The following PPP6R1 variants were observed in gnomAD, a reference collection of about 807,000 sequenced individuals.
PPP6R1 encodes serine/threonine-protein phosphatase 6 regulatory subunit 1.
PPP6R1 carries 39 observed loss-of-function variants against 104.6 expected under a neutral mutation model. The observed-to-expected ratio is 0.37, with a 90% CI of 0.29 to 0.49. The LOEUF (loss-of-function observed/expected upper bound fraction) is 0.49. Among genes scored for constraint, PPP6R1 ranks in the 20% least tolerant of loss-of-function variants. The pLI is 0.98. For synonymous variants in PPP6R1, 549 were observed against 479.0 expected, an observed-to-expected ratio of 1.15 and a Z score of -1.91; for missense variants, 1,181 against 1,155.8, an observed-to-expected ratio of 1.02 and a Z score of -0.32.
At position 55,230,416 on chromosome 19, in the gene PPP6R1, G is replaced by T; in HGVS notation, c.*112C>A. On this transcript the variant is annotated 3_prime_UTR_variant, in exon 24 of 24. Coordinates refer to ENST00000412770, the MANE Select transcript of PPP6R1 (RefSeq NM_014931.4). ...CTGGGGGTCCAGAGGAGAGAATGTG[G>T]GGGTGTCAGGGTGATGAGGGCAATG... 1 of 1,481,008 alleles carries T rather than the reference G, an allele frequency of 6.8e-7. No homozygotes were observed. Among genetic ancestry groups the T allele is most frequent in the Non-Finnish European group, 9.3e-7 (1 of 1,079,400 alleles). The allele number at this position is 1,481,008 out of a possible 1,614,324, so 91.7% of individuals were successfully genotyped here.
downstream of PPP6R1, chr19:55,229,026 C>G: frequency 2.5e-6 from 1 of 398,480 alleles, no homozygotes. Flanking sequence ...GTCCCCTTGT[C>G]CTGGGCCCCA....
Position 55,236,687 on chromosome 19 carries a change from G to T in PPP6R1, c.1944C>A (p.Ser648Arg). The T allele has an allele frequency of 6.2e-7, 1 of 1,606,086 alleles. No individual in the cohort carries two copies. Among genetic ancestry groups the T allele is most frequent in the Non-Finnish European group, 8.5e-7 (1 of 1,176,280 alleles). ...CCAGACGGGCCCCCCTGGCCAGCTGGCTGCCCTGCCAGGCGCCATCTTCTC... is the reference window on the plus strand; with the variant it reads ...CCAGACGGGCCCCCCTGGCCAGCTGTCTGCCCTGCCAGGCGCCATCTTCTC... ...SDGEDGAWQG[S>R]QLARGARLGQ... The change falls in exon 17 of 24, where the codon AGC becomes AGA. Residue 648 changes from serine (S) to arginine (R), a missense_variant. Physicochemically the swap from Ser to Arg is moderately radical, Grantham distance 110. This residue lies in a region of PPP6R1 where 1,042 missense variants were observed against 955.6 expected (regional missense o/e 1.09). Coordinates refer to ENST00000412770, the MANE Select transcript of PPP6R1 (RefSeq NM_014931.4).
In PPP6R1 at chr19:55,230,376, C is replaced by T. The variant is rs2087328909; in HGVS notation, c.*152G>A. ...AATGGGGGTGGGTTGGGCCTGTCTC[C>T]CTGGCACCAGCCTCCTGGGGGTCCA... On this transcript the variant is annotated 3_prime_UTR_variant, in exon 24 of 24. Coordinates refer to ENST00000412770, the MANE Select transcript of PPP6R1 (RefSeq NM_014931.4). The T allele has an allele frequency of 7.4e-6, 9 of 1,222,438 alleles. No homozygotes were observed. Among genetic ancestry groups the T allele is most frequent in the Non-Finnish European group, 9.2e-6 (8 of 873,618 alleles). 75.7% of individuals were successfully genotyped at this position (1,222,438 alleles called of 1,614,324 possible). A position where few individuals can be genotyped will look rare whatever the true frequency, so the allele number is the denominator to read the frequency against.
rs1221388754 is a variant in PPP6R1, at chr19:55,252,147, T to TTA, written c.-6-5040_-6-5039dup. 2.0e-5 allele frequency among the ~76,000 whole-genome samples: 3 copies of TTA among 152,308 alleles called. No homozygotes were observed. In the East Asian group the frequency reaches 5.8e-4, roughly 29 times the overall value. ...CGAAGTTCCTGAAAGGAAAGGGTGA[T>TTA]TAAAAAAAAGTTCCAAAATCAATTG... On this transcript the variant is annotated intron_variant, in intron 1 of 23. Transcript: ENST00000412770.
At chr19:55,235,958 C>T (rs900722707) in intron 17 of PPP6R1, among the ~76,000 whole-genome samples, 3 of 151,020 alleles carry the variant, frequency 2.0e-5, no homozygotes, top group African/African-American at 4.9e-5. Context: ...TCCACCTCAG[C>T]CTCTCAAGTA....
At chr19:55,258,048 G>A (rs930095426) in intron 1 of PPP6R1, among the ~76,000 whole-genome samples, 2 of 152,246 alleles carry the variant, frequency 1.3e-5, no homozygotes, top group African/African-American at 4.8e-5. Context: ...GGGGCGAGAG[G>A]GAAGGGTGTA....
Position 55,239,401 on chromosome 19 carries a change from T to G in PPP6R1, c.1751+4A>C. Reference sequence around the variant, plus strand: ...GGCTGTGACCCTGCGCAGGAGACACTCACTTCACACTCTCCTCCTGCTCCC... The same window carrying G: ...GGCTGTGACCCTGCGCAGGAGACACGCACTTCACACTCTCCTCCTGCTCCC... On this transcript the variant is annotated splice_donor_region_variant and intron_variant, in intron 15 of 23. Coordinates refer to ENST00000412770, the MANE Select transcript of PPP6R1 (RefSeq NM_014931.4). The G allele has an allele frequency of 6.2e-7, 1 of 1,611,878 alleles. No homozygotes were observed. The highest frequency in any genetic ancestry group is 1.6e-4 in the Middle Eastern group (1 of 6,062).
In PPP6R1 at chr19:55,256,585, G is replaced by A. The variant is rs548257335; in HGVS notation, c.-7+1850C>T. On this transcript the variant is annotated intron_variant, in intron 1 of 23. Transcript: ENST00000412770. ...CAGCTCTCTGGGAGGCTAGGTAGGA[G>A]GACTGCTTGAACCCACGAGTTTGAA... Among the ~76,000 whole-genome samples the A allele has an allele frequency of 3.3e-5, 5 of 152,342 alleles. No individual in the cohort carries two copies. The South Asian group carries it at 6.2e-4, about 19-fold the overall frequency.
chr19:55,243,370 G>A (rs1250188670), intron 5 of PPP6R1, among the ~76,000 whole-genome samples: 1 of 141,890 alleles, frequency 7.0e-6, no homozygotes, highest in Non-Finnish European at 1.5e-5. Flanking sequence ...CCGAGATCGT[G>A]CCACTGCACT....
At chr19:55,242,550 G>T in intron 5 of PPP6R1, 62 bp from the exon 6 acceptor site, 1 of 1,401,810 alleles carries the variant, frequency 7.1e-7, no homozygotes. Flanking sequence ...GCAGCCTGGT[G>T]CTGGGAGCCC....
intron 5 of PPP6R1, among the ~76,000 whole-genome samples, chr19:55,243,125 C>T (rs950250053): frequency 2.0e-5 from 3 of 151,972 alleles, no homozygotes; most frequent in African/African-American, 7.2e-5. Context: ...TCTGAAAGGC[C>T]GAGGTGGGGC....
chr19:55,243,139 G>T (rs1376182128), intron 5 of PPP6R1, among the ~76,000 whole-genome samples: 1 of 152,172 alleles, frequency 6.6e-6, no homozygotes, highest in Non-Finnish European at 1.5e-5. Context: ...GTGGGGCCGG[G>T]CGCGGTGGCT....
rs1426479018 is a variant in PPP6R1 at position 55,231,675 on chromosome 19, G to A, written c.2307-7C>T. The A allele has an allele frequency of 1.3e-6, 2 of 1,594,484 alleles. No individual in the cohort carries two copies. Among genetic ancestry groups the A allele is most frequent in the African/African-American group, 1.3e-5 (1 of 74,378 alleles). ...GGGTGTGGGGTCCTGAGACCTGGTA[G>A]GCGAGAGAGGCAGCCCAAGGGGGCA... On this transcript the variant is annotated splice_polypyrimidine_tract_variant and splice_region_variant and intron_variant, in intron 19 of 23. Transcript: ENST00000412770.
At position 55,241,101 on chromosome 19, in the gene PPP6R1, G is replaced by C; in HGVS notation, c.1162-22C>G. 6.5e-7 allele frequency: 1 copy of C among 1,547,658 alleles called. No homozygotes were observed. The stretch of plus-strand genomic sequence containing the variant: ...GGTCCTATGGGAGGACACAGGATTG[G>C]TACCAGAGAGGCCCCGCCCCAGCCG... On this transcript the variant is annotated intron_variant, in intron 9 of 23. Transcript: ENST00000412770. The surrounding 1 kb of genome is among the most constrained non-coding windows in gnomAD (Gnocchi z 5.4).
chr19:55,231,479 G>A lies in PPP6R1; in HGVS notation c.2390C>T (p.Ala797Val), dbSNP rs749076656. The A allele has an allele frequency of 6.2e-6, 10 of 1,608,004 alleles. No homozygotes were observed. Among genetic ancestry groups the A allele is most frequent in the East Asian group, 4.5e-5 (2 of 44,706 alleles). ...KVTEPSAPCQ[A>V]LVSIGDLQAT... ...CTGAAGGTCCCCGATGCTAACCAAGGCCTGGCAAGGGGCTGTGGGGGATAA... is the reference window on the plus strand; with the variant it reads ...CTGAAGGTCCCCGATGCTAACCAAGACCTGGCAAGGGGCTGTGGGGGATAA... The change falls in exon 21 of 24, where the codon GCC (alanine) becomes GTC (valine). Residue 797 changes from alanine to valine, a missense_variant. Physicochemically the swap from Ala to Val is moderately conservative, Grantham distance 64 (BLOSUM62 0). Transcript: ENST00000412770.
chr19:55,240,794 G>A (rs1322911263), intron 10 of PPP6R1, 151 bp downstream of exon 10: 2 of 1,140,816 alleles, frequency 1.8e-6, no homozygotes, highest in Non-Finnish European at 2.4e-6. Flanking sequence ...GTTTCTCCCT[G>A]GCCATGCCTC....
At chr19:55,240,205 C>A (rs771659887) in intron 11 of PPP6R1, 31 bp downstream of exon 11, 28 of 1,574,616 alleles carry the variant, frequency 1.8e-5, no homozygotes, top group Non-Finnish European at 2.2e-5. Context: ...AGCCCCAGCC[C>A]CTGGAGACAT....
chr19:55,230,619 C>A lies in PPP6R1; in HGVS notation c.2636G>T (p.Gly879Val). The A allele has an allele frequency of 6.2e-7, 1 of 1,612,162 alleles. No individual in the cohort carries two copies. Among genetic ancestry groups the A allele is most frequent in the Non-Finnish European group, 8.5e-7 (1 of 1,179,098 alleles). Residue 879 changes from glycine to valine, a missense_variant, in exon 23 of 24, where the codon GGC becomes GTC. Coordinates refer to ENST00000412770, the MANE Select transcript of PPP6R1 (RefSeq NM_014931.4). ...GSAPEGPASP[G>V]SQ ...AGGCTGCAGCCACACTCACTGGGAG[C>A]CTGGGGATGCAGGCCCTTCCGGGGC...
In PPP6R1 at chr19:55,230,688, T is replaced by G; in HGVS notation, c.2571-4A>C. On this transcript the variant is annotated splice_polypyrimidine_tract_variant and splice_region_variant and intron_variant, in intron 22 of 23. Coordinates refer to ENST00000412770, the MANE Select transcript of PPP6R1 (RefSeq NM_014931.4). ...AGGAGGCGTGAGGGCCTGGGCACTG[T>G]CAGGGGAGAGAGGGGATGTGCAGAG... 2 of 1,585,816 alleles carry G rather than the reference T, an allele frequency of 1.3e-6. No individual in the cohort carries two copies. Among genetic ancestry groups the G allele is most frequent in the Non-Finnish European group, 1.7e-6 (2 of 1,167,206 alleles).
Sources: allele counts gnomAD v4.1 joint callset (sites outside exome capture counted in the v4.1 genomes callset), GRCh38; gene constraint gnomAD v4.1.1; regional missense constraint gnomAD v4.1.1; non-coding constraint Gnocchi (gnomAD v3.1); transcripts MANE v1.5; gene names NCBI Gene and HGNC (gene_info 2026-07-23, HGNC 2026-07-21).